Variants in LRRC69 observed in about 807,000 individuals in gnomAD.
The protein encoded by LRRC69 is leucine-rich repeat-containing protein 69.
LRRC69 carries 42 observed loss-of-function variants against 37.8 expected under a neutral mutation model. That is an observed-to-expected ratio of 1.11 (90% confidence interval 0.87 to 1.44). The LOEUF (loss-of-function observed/expected upper bound fraction) is 1.44. LRRC69 is among the 40% of genes most tolerant of loss of function. The pLI is 0.00. For synonymous variants in LRRC69, 141 were observed against 143.1 expected, an observed-to-expected ratio of 0.99 and a Z score of 0.11; for missense variants, 357 against 401.9, an observed-to-expected ratio of 0.89 and a Z score of 0.96.
chr8:91,194,956 T>A (rs1027786453), intron 6 of LRRC69, among the ~76,000 whole-genome samples: 2 of 152,234 alleles, frequency 1.3e-5, no homozygotes, highest in Non-Finnish European at 2.9e-5. Flanking sequence ...TTTTGGATCT[T>A]TCCTGCTTTG....
chr8:91,152,205 C>T (rs1221747147), intron 5 of LRRC69, among the ~76,000 whole-genome samples: 1 of 151,512 alleles, frequency 6.6e-6, no homozygotes, highest in Non-Finnish European at 1.5e-5. Flanking sequence ...AATATCTTTG[C>T]GCATGCCTAT....
intron 1 of LRRC69, among the ~76,000 whole-genome samples, chr8:91,115,208 C>T (rs748349577): frequency 5.9e-5 from 9 of 151,312 alleles, no homozygotes; most frequent in Non-Finnish European, 8.8e-5. Flanking sequence ...ATCATACATA[C>T]GCACACAGAG....
At chr8:91,166,148 A>G (rs1383641826) in intron 5 of LRRC69, among the ~76,000 whole-genome samples, 1 of 151,840 alleles carries the variant, frequency 6.6e-6, no homozygotes, top group Non-Finnish European at 1.5e-5. Flanking sequence ...AAAATGGGAT[A>G]ATAATACAAA....
Position 91,112,911 on chromosome 8 carries a change from C to A in LRRC69, c.183+10067C>A, listed in dbSNP as rs575840403. 4.8e-4 allele frequency among the ~76,000 whole-genome samples: 73 copies of A among 151,930 alleles called. No individual in the cohort carries two copies. In the Middle Eastern group the frequency reaches 0.021, roughly 43 times the overall value. The stretch of plus-strand genomic sequence containing the variant: ...TAAAATCAACATACTAAAAATCAAT[C>A]ATATTTCTATATACAAGGAATAAAG... On this transcript the variant is annotated intron_variant, in intron 1 of 7. Transcript: ENST00000448384.
At chr8:91,184,383 C>T (rs980676201) in intron 5 of LRRC69, among the ~76,000 whole-genome samples, 1 of 151,912 alleles carries the variant, frequency 6.6e-6, no homozygotes, top group Non-Finnish European at 1.5e-5. Context: ...ATAAGAATTA[C>T]TCAAAGAGTA....
chr8:91,216,883 C>T (rs113440535), intron 7 of LRRC69, among the ~76,000 whole-genome samples: 4,143 of 152,106 alleles, frequency 0.027, 188 homozygotes, highest in African/African-American at 0.095. Flanking sequence ...TGTATTGTTT[C>T]CCCAATACAA....
At position 91,145,940 on chromosome 8, in the gene LRRC69, T is replaced by A. The variant is rs1563603805; in HGVS notation, c.651+10201T>A. 2.0e-5 allele frequency among the ~76,000 whole-genome samples: 3 copies of A among 151,946 alleles called. No homozygotes were observed. The South Asian group carries it at 6.2e-4, about 31-fold the overall frequency. On this transcript the variant is annotated intron_variant, in intron 5 of 7. Coordinates refer to ENST00000448384, the Ensembl canonical transcript of LRRC69. ...TTATGAAATATTATCCTTGATGCAA[T>A]GGTGATTTTGTTCAAATTCTTGTTT...
At chr8:91,171,384 C>T (rs1421534069) in intron 5 of LRRC69, among the ~76,000 whole-genome samples, 1 of 151,886 alleles carries the variant, frequency 6.6e-6, no homozygotes, top group Non-Finnish European at 1.5e-5. Flanking sequence ...TTTCACCTCC[C>T]CCATAAACCG....
chr8:91,158,550 C>T (rs1808880926), intron 5 of LRRC69: 1 of 1,187,254 alleles, frequency 8.4e-7, no homozygotes, highest in South Asian at 1.2e-5. Context: ...TGTACATTTT[C>T]ACGGCCATAG....
chr8:91,118,584 C>A, intron 1 of LRRC69: 1 of 215,700 alleles, frequency 4.6e-6, no homozygotes. Context: ...GCTCATGGGT[C>A]TATGAGTAGC....
At chr8:91,197,443 T>C (rs1809628377) in intron 6 of LRRC69, among the ~76,000 whole-genome samples, 1 of 151,988 alleles carries the variant, frequency 6.6e-6, no homozygotes, top group Non-Finnish European at 1.5e-5. Context: ...TCCCCCAGCC[T>C]CGCTGCCGCC....
At chr8:91,177,850 CTTT>C (rs10645044) in intron 5 of LRRC69, among the ~76,000 whole-genome samples, 4 of 130,816 alleles carry the variant, frequency 3.1e-5, no homozygotes, top group Admixed American at 1.6e-4. Context: ...TTCTGCTTTT[CTTT>C]TTTTTTTTTT....
intron 5 of LRRC69, among the ~76,000 whole-genome samples, chr8:91,148,227 C>T (rs551889073): frequency 6.6e-6 from 1 of 151,022 alleles, no homozygotes; most frequent in East Asian, 2.0e-4. Context: ...TGCTATACCT[C>T]CCCGCTCCCC....
At chr8:91,186,846 T>C (rs1809416799) in intron 5 of LRRC69, among the ~76,000 whole-genome samples, 1 of 151,900 alleles carries the variant, frequency 6.6e-6, no homozygotes, top group African/African-American at 2.4e-5. Flanking sequence ...AAAGAGAGGT[T>C]TCCAAAAGTT....
intron 6 of LRRC69, among the ~76,000 whole-genome samples, chr8:91,197,587 G>T (rs1194807092): frequency 6.6e-6 from 1 of 152,132 alleles, no homozygotes; most frequent in Admixed American, 6.5e-5. Context: ...CAGTATTAGG[G>T]TGGGAGTGAC....
chr8:91,139,963 C>T (rs946617527), intron 5 of LRRC69, among the ~76,000 whole-genome samples: 2 of 151,636 alleles, frequency 1.3e-5, no homozygotes, highest in African/African-American at 4.8e-5. Context: ...TGGCTCATGC[C>T]TGTAATCTCA....
intron 7 of LRRC69, among the ~76,000 whole-genome samples, chr8:91,203,390 CT>C (rs879476241): frequency 6.7e-4 from 98 of 145,668 alleles, no homozygotes; most frequent in South Asian, 8.7e-4. Flanking sequence ...TTATACCTAT[CT>C]TTTTTTTTTT....
chr8:91,112,215 C>T (rs1813420513), intron 1 of LRRC69, among the ~76,000 whole-genome samples: 1 of 152,004 alleles, frequency 6.6e-6, no homozygotes, highest in South Asian at 2.1e-4. Context: ...TGACCTGGGA[C>T]CTCAAAGCCG....
chr8:91,119,404 C>T (rs751986735), intron 1 of LRRC69, among the ~76,000 whole-genome samples: 30 of 152,002 alleles, frequency 2.0e-4, no homozygotes, highest in African/African-American at 2.7e-4. Flanking sequence ...TATTCCCAGT[C>T]GCACTCACTT....
Sources: gnomAD v4.1 joint callset for allele counts (sites outside exome capture counted in the v4.1 genomes callset) on GRCh38, gnomAD v4.1.1 for gene constraint, MANE v1.5 for transcripts, NCBI Gene and HGNC (gene_info 2026-07-23, HGNC 2026-07-21) for gene names.